NPAS2: variants seen among roughly 807,000 people sequenced by gnomAD.
The protein encoded by NPAS2 is neuronal PAS domain-containing protein 2.
NPAS2 carries 23 observed loss-of-function variants against 107.5 expected under a neutral mutation model. The ratio of observed to expected loss-of-function variants is 0.21; its 90% confidence interval spans 0.15 to 0.30. The LOEUF (loss-of-function observed/expected upper bound fraction) is 0.30. Among genes scored for constraint, NPAS2 ranks in the 10% least tolerant of loss-of-function variants. The probability of loss-of-function intolerance (pLI) is 1.00; values close to 1 mark genes in which losing one functional copy is unlikely to be tolerated. For synonymous variants in NPAS2, 403 were observed against 417.5 expected (o/e 0.97, Z 0.42); for missense variants, 756 against 1,043.3 (o/e 0.72, Z 3.79).
At chr2:100,989,289 C>G (rs1176119733) in intron 17 of NPAS2, 3 of 152,910 alleles carry the variant, frequency 2.0e-5, no homozygotes, top group Non-Finnish European at 4.4e-5. Flanking sequence ...TCCTGGGCCT[C>G]GAGGAGCCTG....
intron 7 of NPAS2, among the ~76,000 whole-genome samples, chr2:100,960,088 C>A (rs1252398976): frequency 6.6e-6 from 1 of 152,158 alleles, no homozygotes; most frequent in African/African-American, 2.4e-5. Context: ...ACTTGGAAGC[C>A]AACCTTGGGT....
At chr2:100,838,753 G>A (rs1024593215) in intron 1 of NPAS2, among the ~76,000 whole-genome samples, 1 of 152,114 alleles carries the variant, frequency 6.6e-6, no homozygotes, top group South Asian at 2.1e-4. Flanking sequence ...CATAATAATC[G>A]GAGGAGATAA....
intron 12 of NPAS2, among the ~76,000 whole-genome samples, chr2:100,972,168 G>A (rs185861497): frequency 1.3e-5 from 2 of 152,002 alleles, no homozygotes; most frequent in Non-Finnish European, 1.5e-5. Flanking sequence ...GGCTGGTCTC[G>A]AACTCCTGAC....
At chr2:100,987,946 AG>A in intron 16 of NPAS2, 132 bp from the exon 17 acceptor site, 2 of 931,396 alleles carry the variant, frequency 2.1e-6, no homozygotes, top group Admixed American at 4.0e-5. Flanking sequence ...CATGTCCACC[AG>A]TGGAGTAAAT....
Position 100,861,283 on chromosome 2 carries a change from G to T in NPAS2, c.-23+40869G>T, listed in dbSNP as rs142354778. On this transcript the variant is annotated intron_variant, in intron 1 of 20. Transcript: ENST00000335681. ...GTCTACCCTTGAGGAGCACATTGAA[G>T]AGAAGCAGGAGACAAACCGGGGAGA... is the stretch of plus-strand genomic sequence containing the variant. Among the ~76,000 whole-genome samples the T allele has an allele frequency of 1.5e-3, 226 of 152,268 alleles. 1 individual carries two copies. Among genetic ancestry groups the T allele is most frequent in the African/African-American group, 5.3e-3 (219 of 41,546 alleles).
chr2:100,988,215 TCTC>T lies in NPAS2; in HGVS notation c.1770_1772del (p.Ser591del), dbSNP rs1487437406. On this transcript the variant is annotated inframe_deletion, in exon 17 of 21. Transcript: ENST00000335681. ...GCGGGCCCCCAACTTCCAGGGCAGA[TCTC>T]CTCTGCCCAGGTCACAAGCCAGCAC... 3.3e-5 allele frequency: 54 copies of T among 1,614,064 alleles called. No individual in the cohort carries two copies. The highest frequency in any genetic ancestry group is 6.7e-5 in the East Asian group (3 of 44,878).
chr2:100,911,738 C>CAAGA (rs1366532009), intron 2 of NPAS2, among the ~76,000 whole-genome samples: 2 of 152,080 alleles, frequency 1.3e-5, no homozygotes, highest in African/African-American at 2.4e-5. Flanking sequence ...TTCAAGCCAT[C>CAAGA]CTCCTGTCTC....
At chr2:100,977,402 G>A (rs759539676) in intron 14 of NPAS2, among the ~76,000 whole-genome samples, 11 of 152,188 alleles carry the variant, frequency 7.2e-5, no homozygotes, top group Non-Finnish European at 8.8e-5. Flanking sequence ...CACCCAGGGC[G>A]GAGTCCAGGA....
intron 1 of NPAS2, among the ~76,000 whole-genome samples, chr2:100,842,081 G>GCGCA: frequency 0.018 from 2,719 of 148,888 alleles, 38 homozygotes; most frequent in Middle Eastern, 0.076. Flanking sequence ...GCATGTACGC[G>GCGCA]CACACACACA....
At chr2:100,992,576 G>A (rs1366404462) in intron 19 of NPAS2, among the ~76,000 whole-genome samples, 3 of 152,264 alleles carry the variant, frequency 2.0e-5, no homozygotes, top group Middle Eastern at 3.4e-3. Context: ...ATCTCCTCCC[G>A]GCCATGTGAA....
chr2:100,905,282 G>A (rs566190143), intron 2 of NPAS2, among the ~76,000 whole-genome samples: 5 of 152,074 alleles, frequency 3.3e-5, no homozygotes, highest in Admixed American at 1.3e-4. Flanking sequence ...CAGTTTCCTC[G>A]GCTGTAGATT....
chr2:100,898,108 G>T (rs1367211190), intron 1 of NPAS2, among the ~76,000 whole-genome samples: 1 of 151,932 alleles, frequency 6.6e-6, no homozygotes, highest in African/African-American at 2.4e-5. Flanking sequence ...GAGGCACAGG[G>T]TTTCACTCTG....
At chr2:100,958,989 CG>C (rs1184875285) in intron 7 of NPAS2, among the ~76,000 whole-genome samples, 4 of 148,986 alleles carry the variant, frequency 2.7e-5, no homozygotes, top group Non-Finnish European at 5.9e-5. Context: ...AGGCCAGGCA[CG>C]GTGGCTGACA....
chr2:100,980,359 G>A lies in NPAS2; in HGVS notation c.1483-1872G>A, dbSNP rs183237214. 3.0e-3 allele frequency among the ~76,000 whole-genome samples: 463 copies of A among 152,282 alleles called. 5 individuals carry two copies. The highest frequency in any genetic ancestry group is 0.011 in the African/African-American group (444 of 41,548). On this transcript the variant is annotated intron_variant, in intron 15 of 20. Transcript: ENST00000335681. ...TTGGAATAGCTCGTTTGCTTTCTCC[G>A]TTGAATTCCCTTTCAAAATCCTCAC...
chr2:100,945,347 G>A (rs10179143), intron 5 of NPAS2, among the ~76,000 whole-genome samples: 8,443 of 152,152 alleles, frequency 0.055, 759 homozygotes, highest in African/African-American at 0.19. Context: ...GCCCAACAGC[G>A]GCTGGCACAT....
chr2:100,856,606 A>G (rs1308509603), intron 1 of NPAS2, among the ~76,000 whole-genome samples: 5 of 152,004 alleles, frequency 3.3e-5, no homozygotes. Flanking sequence ...AAGTGGAAAT[A>G]ATGCTCACAG....
At chr2:100,948,619 TTC>T (rs1675042523) in intron 6 of NPAS2, among the ~76,000 whole-genome samples, 1 of 108,356 alleles carries the variant, frequency 9.2e-6, no homozygotes, top group African/African-American at 3.1e-5. Flanking sequence ...ATGATAAGAT[TTC>T]TCTTTTTTTT....
At position 100,869,215 on chromosome 2, in the gene NPAS2, C is replaced by T. The variant is rs1573504570; in HGVS notation, c.-22-35518C>T. ...CCTCCCAAAGTTTTGGGATTACAGG[C>T]GTGAGCCACCATGCTTGGTCTAAAC... On this transcript the variant is annotated intron_variant, in intron 1 of 20. Transcript: ENST00000335681. Among the ~76,000 whole-genome samples, 5 of 152,176 alleles carry T rather than the reference C, an allele frequency of 3.3e-5. No homozygotes were observed. The East Asian group carries it at 5.8e-4, about 18-fold the overall frequency.
chr2:100,880,221 A>T (rs1024438016), intron 1 of NPAS2, among the ~76,000 whole-genome samples: 8 of 152,236 alleles, frequency 5.3e-5, no homozygotes, highest in Non-Finnish European at 7.3e-5. Flanking sequence ...TGGCTCCTCA[A>T]ACCGTTAAAA....
Sources: gnomAD v4.1 joint callset for allele counts (sites outside exome capture counted in the v4.1 genomes callset) on GRCh38, gnomAD v4.1.1 for gene constraint, MANE v1.5 for transcripts, NCBI Gene and HGNC (gene_info 2026-07-23, HGNC 2026-07-21) for gene names.